Variants in CCDC148 observed in about 807,000 individuals in gnomAD.
CCDC148 encodes coiled-coil domain containing 148.
In CCDC148, 89 loss-of-function variants were observed where a neutral mutation model predicts 85.7. That is an observed-to-expected ratio of 1.04 (90% CI 0.87 to 1.24). The LOEUF (loss-of-function observed/expected upper bound fraction) is 1.24, where lower values mean the gene tolerates loss of function less well. Ranked by LOEUF, CCDC148 falls within the 50% of genes most tolerant of loss-of-function variation. The pLI is 0.00. For synonymous variants in CCDC148, 230 were observed against 213.9 expected (o/e 1.08, Z -0.66); for missense variants, 692 against 671.7 (o/e 1.03, Z -0.33).
intron 1 of CCDC148, among the ~76,000 whole-genome samples, chr2:158,431,820 C>T (rs558957504): frequency 1.3e-5 from 2 of 152,074 alleles, no homozygotes; most frequent in South Asian, 2.1e-4. Flanking sequence ...TGCCTGTAAT[C>T]GCAGCTATTT....
intron 9 of CCDC148, among the ~76,000 whole-genome samples, chr2:158,265,049 C>CCCTCATATAAAATTCTATACTATT (rs1348114445): frequency 1.3e-5 from 2 of 152,028 alleles, no homozygotes; most frequent in South Asian, 2.1e-4. Context: ...TAGCTATGAC[C>CCCTCATATAAAATTCTATACTATT]CCTCATATAA....
At chr2:158,283,516 C>G (rs1233317508) in intron 9 of CCDC148, among the ~76,000 whole-genome samples, 1 of 152,166 alleles carries the variant, frequency 6.6e-6, no homozygotes, top group Non-Finnish European at 1.5e-5. Flanking sequence ...CCAAAAGACA[C>G]AGGAAAAAAT....
intron 10 of CCDC148, among the ~76,000 whole-genome samples, 197 bp downstream of exon 10, chr2:158,250,575 A>G (rs1289060666): frequency 2.0e-5 from 3 of 151,326 alleles, no homozygotes; most frequent in Non-Finnish European, 4.4e-5. Context: ...ACACAAATCA[A>G]CAAAGTGGGT....
chr2:158,374,923 A>G (rs535258385), intron 1 of CCDC148, among the ~76,000 whole-genome samples: 1 of 152,012 alleles, frequency 6.6e-6, no homozygotes, highest in Non-Finnish European at 1.5e-5. Context: ...CTTATTTATA[A>G]TACCTAATAC....
At chr2:158,265,824 A>C (rs1401466711) in intron 9 of CCDC148, among the ~76,000 whole-genome samples, 2 of 152,156 alleles carry the variant, frequency 1.3e-5, no homozygotes, top group Non-Finnish European at 2.9e-5. Context: ...TCCCCTGAGA[A>C]TCTATATTCC....
At chr2:158,332,781 A>G (rs1237632065) in intron 7 of CCDC148, among the ~76,000 whole-genome samples, 1 of 152,004 alleles carries the variant, frequency 6.6e-6, no homozygotes, top group Non-Finnish European at 1.5e-5. Context: ...TTGTCCAGGA[A>G]TTTATCCATT....
intron 10 of CCDC148, among the ~76,000 whole-genome samples, chr2:158,230,189 A>AGCC (rs1373199912): frequency 2.0e-5 from 3 of 152,348 alleles, no homozygotes; most frequent in African/African-American, 7.2e-5. Context: ...AAAAAAATAA[A>AGCC]GCCTCTGTCT....
At position 158,339,044 on chromosome 2, in the gene CCDC148, T is replaced by C; in HGVS notation, c.528A>G (p.Arg176=). The part of the protein sequence containing the change: ...VKKQLKTVFE[R]LRLEQQRIEN... Reference sequence around the variant, plus strand: ...CTATTCTCTGTTGCTCCAGCCTAAGTCTTTCAAAGACAGTTTTCAATTGTT... The same window carrying C: ...CTATTCTCTGTTGCTCCAGCCTAAGCCTTTCAAAGACAGTTTTCAATTGTT... The change falls in exon 6 of 14, where the codon AGA becomes AGG. Residue 176 remains arginine (R), a synonymous_variant. Coordinates refer to ENST00000283233, the MANE Select transcript of CCDC148 (RefSeq NM_138803.4). 1 of 1,613,944 alleles carries C rather than the reference T, an allele frequency of 6.2e-7. No homozygotes were observed.
intron 7 of CCDC148, among the ~76,000 whole-genome samples, chr2:158,314,383 G>C (rs975056505): frequency 6.6e-6 from 1 of 152,214 alleles, no homozygotes; most frequent in Non-Finnish European, 1.5e-5. Context: ...GACTTCAAAA[G>C]AAAGTCTAAA....
intron 9 of CCDC148, among the ~76,000 whole-genome samples, chr2:158,265,258 A>G (rs1025212123): frequency 6.6e-6 from 1 of 152,166 alleles, no homozygotes; most frequent in Non-Finnish European, 1.5e-5. Flanking sequence ...GCTTACAGAT[A>G]ATTACTCTCA....
At position 158,309,536 on chromosome 2, in the gene CCDC148, G is replaced by A; in HGVS notation, c.1007C>T (p.Ala336Val). 2 of 1,613,662 alleles carry A rather than the reference G, an allele frequency of 1.2e-6. No homozygotes were observed. Among genetic ancestry groups the A allele is most frequent in the Non-Finnish European group, 1.7e-6 (2 of 1,179,568 alleles). Reference protein sequence around the residue: ...NKNKKDFIQKAVLTLTEACAT... With the variant: ...NKNKKDFIQKVVLTLTEACAT... ...ACAAGCCTCAGTGAGTGTCAGCACAGCCTTCTGTATAAAGTCTTTCTTATT... is the reference window on the plus strand; with the variant it reads ...ACAAGCCTCAGTGAGTGTCAGCACAACCTTCTGTATAAAGTCTTTCTTATT... The change falls in exon 9 of 14, where the codon GCT becomes GTT. Residue 336 changes from alanine (A) to valine (V), a missense_variant. Ala to Val is a moderately conservative substitution (Grantham distance 64, BLOSUM62 0). Transcript: ENST00000283233.
At chr2:158,292,707 TA>T (rs1351071996) in intron 9 of CCDC148, among the ~76,000 whole-genome samples, 1 of 152,148 alleles carries the variant, frequency 6.6e-6, no homozygotes, top group Admixed American at 6.5e-5. Context: ...AAAGTATATA[TA>T]GAAACCAGAA....
intron 2 of CCDC148, among the ~76,000 whole-genome samples, chr2:158,350,311 C>A (rs1262410033): frequency 6.6e-6 from 1 of 152,160 alleles, no homozygotes; most frequent in East Asian, 1.9e-4. Flanking sequence ...TTTTAACACT[C>A]AACCATTCTA....
At chr2:158,325,877 G>C (rs1295093132) in intron 7 of CCDC148, among the ~76,000 whole-genome samples, 1 of 152,082 alleles carries the variant, frequency 6.6e-6, no homozygotes, top group African/African-American at 2.4e-5. Context: ...ATATATCCAA[G>C]AGCTGAACTG....
At chr2:158,382,070 C>T (rs1241298453) in intron 1 of CCDC148, among the ~76,000 whole-genome samples, 1 of 151,944 alleles carries the variant, frequency 6.6e-6, no homozygotes, top group African/African-American at 2.4e-5. Flanking sequence ...GTGTATTTGC[C>T]CCTTCCACCA....
At chr2:158,250,349 G>C (rs1574484486) in intron 10 of CCDC148, among the ~76,000 whole-genome samples, 1 of 151,868 alleles carries the variant, frequency 6.6e-6, no homozygotes, top group Non-Finnish European at 1.5e-5. Flanking sequence ...GACTTTCCAT[G>C]AATTGCACTG....
chr2:158,409,523 A>G (rs1686169342), intron 1 of CCDC148, among the ~76,000 whole-genome samples: 1 of 152,282 alleles, frequency 6.6e-6, no homozygotes, highest in South Asian at 2.1e-4. Flanking sequence ...AATTTCTCCT[A>G]TTTTAAATGG....
At chr2:158,207,584 T>C (rs1686319589) in intron 11 of CCDC148, 1 of 152,224 alleles carries the variant, frequency 6.6e-6, no homozygotes. Context: ...TTTTGGGGTC[T>C]GTCATACCAT....
intron 2 of CCDC148, among the ~76,000 whole-genome samples, chr2:158,354,305 G>C (rs12465516): frequency 0.4 from 61,140 of 151,372 alleles, 12,984 homozygotes; most frequent in South Asian, 0.61. Flanking sequence ...TTTTTGAAAG[G>C]ATCAACAAAA....
Sources: gnomAD v4.1 joint callset for allele counts (sites outside exome capture counted in the v4.1 genomes callset) on GRCh38, gnomAD v4.1.1 for gene constraint, MANE v1.5 for transcripts, NCBI Gene and HGNC (gene_info 2026-07-23, HGNC 2026-07-21) for gene names.